IFT74: variants seen among roughly 807,000 people sequenced by gnomAD.
IFT74 encodes the protein intraflagellar transport 74.
IFT74 carries 92 observed loss-of-function variants against 96.7 expected under a neutral mutation model. That is an observed-to-expected ratio of 0.95 (90% confidence interval 0.80 to 1.13). The LOEUF (loss-of-function observed/expected upper bound fraction) is 1.13, where lower values mean the gene tolerates loss of function less well. IFT74 is among the 50% of genes most tolerant of loss of function. IFT74 has a pLI of 0.00. For synonymous variants in IFT74, 223 were observed against 213.2 expected (o/e 1.05, Z -0.40); for missense variants, 811 against 698.2 (o/e 1.16, Z -1.82).
At chr9:26,949,758 G>A (rs62546684) in intron 1 of IFT74, among the ~76,000 whole-genome samples, 1 of 152,088 alleles carries the variant, frequency 6.6e-6, no homozygotes, top group East Asian at 1.9e-4. Context: ...CTAGGAAATG[G>A]GAAATGCTAA....
intron 8 of IFT74, chr9:26,999,616 T>G (rs1828365258): frequency 6.3e-7 from 1 of 1,591,762 alleles, no homozygotes; most frequent in East Asian, 2.2e-5. Context: ...AAACTTACTC[T>G]TTTAGAAGAC....
upstream of IFT74, among the ~76,000 whole-genome samples, chr9:26,954,932 C>T (rs1826032249): frequency 6.6e-6 from 1 of 152,002 alleles, no homozygotes; most frequent in Non-Finnish European, 1.5e-5. Flanking sequence ...AGCTCAGAGG[C>T]AAATAAGTGA....
At chr9:26,995,201 G>A in intron 8 of IFT74, 1 of 185,520 alleles carries the variant, frequency 5.4e-6, no homozygotes, top group South Asian at 1.3e-4. Context: ...AAATACCTGT[G>A]TTAATATGAG....
intron 14 of IFT74, among the ~76,000 whole-genome samples, chr9:27,045,304 C>T (rs1819655516): frequency 6.6e-6 from 1 of 152,214 alleles, no homozygotes; most frequent in African/African-American, 2.4e-5. Context: ...AAAACCATCA[C>T]CCGCATCTGC....
At chr9:26,978,710 A>C (rs74872861) in intron 3 of IFT74, among the ~76,000 whole-genome samples, 1 of 152,172 alleles carries the variant, frequency 6.6e-6, no homozygotes, top group Admixed American at 6.5e-5. Flanking sequence ...TTAAAATGAC[A>C]CTTAAAATAC....
chr9:26,968,823 G>T (rs1198853491), intron 2 of IFT74, among the ~76,000 whole-genome samples: 1 of 151,398 alleles, frequency 6.6e-6, no homozygotes, highest in Admixed American at 6.6e-5. Flanking sequence ...TAGTTAGTCT[G>T]GCTAAAAGTT....
At chr9:26,952,615 T>C (rs1465046537), upstream of IFT74, among the ~76,000 whole-genome samples, 1 of 152,208 alleles carries the variant, frequency 6.6e-6, no homozygotes, top group Non-Finnish European at 1.5e-5. Flanking sequence ...ATGCATTCCT[T>C]GGTTTAAAAT....
At chr9:26,961,546 A>C in intron 1 of IFT74, among the ~76,000 whole-genome samples, 1 of 152,196 alleles carries the variant, frequency 6.6e-6, no homozygotes, top group African/African-American at 2.4e-5. Context: ...AGATTCTGTT[A>C]AAGTTAAGAA....
intron 7 of IFT74, among the ~76,000 whole-genome samples, chr9:26,989,568 G>C (rs1217582977): frequency 6.6e-6 from 1 of 151,910 alleles, no homozygotes; most frequent in Non-Finnish European, 1.5e-5. Flanking sequence ...CTAAATTTGG[G>C]GTTCTCAAAC....
At chr9:27,042,488 T>G (rs1465251877) in intron 13 of IFT74, among the ~76,000 whole-genome samples, 1 of 152,180 alleles carries the variant, frequency 6.6e-6, no homozygotes, top group African/African-American at 2.4e-5. Context: ...GATAACTGAC[T>G]GCCGTTTGAA....
upstream of IFT74, among the ~76,000 whole-genome samples, chr9:26,953,330 A>C (rs1460725653): frequency 1.3e-5 from 2 of 152,234 alleles, no homozygotes; most frequent in African/African-American, 4.8e-5. Context: ...TTTTATGACT[A>C]TAGCATTATT....
chr9:26,966,287 C>T (rs899312584), intron 2 of IFT74, among the ~76,000 whole-genome samples: 14 of 151,962 alleles, frequency 9.2e-5, no homozygotes, highest in Admixed American at 5.9e-4. Context: ...TTACATTCCC[C>T]CCAACACTGT....
chr9:26,983,148 C>G (rs1009284250), intron 4 of IFT74, among the ~76,000 whole-genome samples: 1 of 152,084 alleles, frequency 6.6e-6, no homozygotes, highest in Non-Finnish European at 1.5e-5. Flanking sequence ...TCTCAAACTC[C>G]TAGAAGGCAA....
rs1820495850 is a variant in IFT74 at position 27,063,064 on chromosome 9, A to G, written c.*328A>G. ...AATGAGATAAGCTTTTCTTGTATCA[A>G]CTCTAGGACGGATGCATGGAGTATG... On this transcript the variant is annotated 3_prime_UTR_variant, in exon 20 of 20. Coordinates refer to ENST00000380062, the MANE Select transcript of IFT74 (RefSeq NM_025103.4). The G allele has an allele frequency of 5.0e-6, 1 of 199,694 alleles. No homozygotes were observed. Among genetic ancestry groups the G allele is most frequent in the Non-Finnish European group, 1.0e-5 (1 of 99,864 alleles). The allele number at this position is 199,694 out of a possible 1,614,324, so 12.4% of individuals were successfully genotyped here. A position where few individuals can be genotyped will look rare whatever the true frequency, so the allele number is the denominator to read the frequency against.
intron 6 of IFT74, among the ~76,000 whole-genome samples, chr9:26,986,182 T>A (rs962935939): frequency 6.6e-6 from 1 of 152,218 alleles, no homozygotes; most frequent in Non-Finnish European, 1.5e-5. Flanking sequence ...ATGGTTAGGA[T>A]AAGATAAGTT....
intron 13 of IFT74, 131 bp from the exon 14 acceptor site, chr9:27,044,611 G>T (rs1819614173): frequency 8.7e-6 from 5 of 572,530 alleles, no homozygotes; most frequent in South Asian, 2.5e-5. Context: ...CATTGTAAAA[G>T]AATTTCACCT....
chr9:27,012,624 C>T (rs1428978635), intron 10 of IFT74, among the ~76,000 whole-genome samples: 3 of 146,406 alleles, frequency 2.0e-5, no homozygotes, highest in African/African-American at 7.6e-5. Context: ...TTTTTTTATT[C>T]ATTTATTTAA....
chr9:27,009,214 T>G (rs1023709073), intron 9 of IFT74, 56 bp downstream of exon 9: 1 of 1,489,652 alleles, frequency 6.7e-7, no homozygotes, highest in African/African-American at 1.4e-5. Flanking sequence ...ACTAAAAGTA[T>G]AGTTTGAATA....
chr9:26,965,316 T>G (rs954232187), intron 2 of IFT74, among the ~76,000 whole-genome samples: 1 of 152,282 alleles, frequency 6.6e-6, no homozygotes, highest in African/African-American at 2.4e-5. Flanking sequence ...CCTCCTACAG[T>G]AGGCTAAGTG....
Sources: gnomAD v4.1 joint callset for allele counts (sites outside exome capture counted in the v4.1 genomes callset) on GRCh38, gnomAD v4.1.1 for gene constraint, MANE v1.5 for transcripts, NCBI Gene and HGNC (gene_info 2026-07-23, HGNC 2026-07-21) for gene names.